The following RGS7 variants were observed in gnomAD, a reference collection of about 807,000 sequenced individuals.
The protein encoded by RGS7 is regulator of G-protein signaling 7.
In RGS7, 27 loss-of-function variants were observed where a neutral mutation model predicts 81.1. The observed-to-expected ratio is 0.33, with a 90% CI of 0.25 to 0.46. RGS7 has a LOEUF of 0.46. Among genes scored for constraint, RGS7 ranks in the 20% least tolerant of loss-of-function variants. RGS7 has a pLI of 1.00. For synonymous variants in RGS7, 208 were observed against 207.7 expected, an observed-to-expected ratio of 1.00 and a Z score of -0.01; for missense variants, 396 against 607.4, an observed-to-expected ratio of 0.65 and a Z score of 3.66.
At chr1:241,189,969 G>A (rs111402101) in intron 2 of RGS7, among the ~76,000 whole-genome samples, 16 of 152,150 alleles carry the variant, frequency 1.1e-4, no homozygotes, top group African/African-American at 2.2e-4. Context: ...CGGGCGCGGT[G>A]GTGGGCACCT....
At chr1:240,858,131 C>A (rs1189175678) in intron 9 of RGS7, among the ~76,000 whole-genome samples, 1 of 152,110 alleles carries the variant, frequency 6.6e-6, no homozygotes, top group African/African-American at 2.4e-5. Flanking sequence ...TATGAATATA[C>A]CATAGTTATT....
intron 2 of RGS7, among the ~76,000 whole-genome samples, chr1:241,141,965 G>A (rs1174978931): frequency 6.6e-6 from 1 of 152,268 alleles, no homozygotes; most frequent in South Asian, 2.1e-4. Flanking sequence ...AGTAAAGACA[G>A]CTGTTCCAAG....
In RGS7 at chr1:241,166,844, A is replaced by C. The variant is rs2070293193; in HGVS notation, c.79-68082T>G. On this transcript the variant is annotated intron_variant, in intron 2 of 18. Coordinates refer to ENST00000440928, the MANE Select transcript of RGS7 (RefSeq NM_001364886.1). ...AAGGGATGAGACAGAGGGCACAAAG[A>C]GAGTGAACAATGGAATTCCTTCCAG... Among the ~76,000 whole-genome samples, 3 of 152,308 alleles carry C rather than the reference A, an allele frequency of 2.0e-5. 1 individual carries two copies. The South Asian group carries it at 6.2e-4, about 32-fold the overall frequency.
intron 4 of RGS7, among the ~76,000 whole-genome samples, chr1:240,958,207 G>T (rs77529099): frequency 0.025 from 3,854 of 152,240 alleles, 101 homozygotes; most frequent in African/African-American, 0.055. Context: ...CTTTGCACAG[G>T]TTTAAGTGGG....
intron 9 of RGS7, among the ~76,000 whole-genome samples, chr1:240,860,169 G>C (rs1661944625): frequency 6.6e-6 from 1 of 152,154 alleles, no homozygotes; most frequent in Non-Finnish European, 1.5e-5. Context: ...CGTGTATTCT[G>C]CTGCTGTTGT....
intron 2 of RGS7, among the ~76,000 whole-genome samples, chr1:241,161,468 CATT>C (rs902841015): frequency 6.7e-5 from 10 of 148,252 alleles, no homozygotes; most frequent in African/African-American, 1.5e-4. Context: ...GTCCATGACA[CATT>C]AATAATAACT....
intron 2 of RGS7, among the ~76,000 whole-genome samples, chr1:241,241,988 G>C (rs555757320): frequency 5.0e-4 from 75 of 151,456 alleles, no homozygotes; most frequent in African/African-American, 1.8e-3. Flanking sequence ...TGGGAAACAG[G>C]TGGTATTTGG....
intron 2 of RGS7, among the ~76,000 whole-genome samples, chr1:241,209,509 T>C (rs2074121185): frequency 1.3e-5 from 2 of 152,130 alleles, no homozygotes; most frequent in Admixed American, 1.3e-4. Flanking sequence ...CAAGAGTTTA[T>C]CATGTACCAA....
chr1:240,999,632 A>G (rs1247470622), intron 3 of RGS7, among the ~76,000 whole-genome samples: 1 of 151,994 alleles, frequency 6.6e-6, no homozygotes, highest in Non-Finnish European at 1.5e-5. Flanking sequence ...ACAGCGTCTC[A>G]CTCTGTCACC....
chr1:240,943,893 CAGCA>C (rs765689426), intron 4 of RGS7, among the ~76,000 whole-genome samples: 6 of 151,936 alleles, frequency 3.9e-5, no homozygotes, highest in Non-Finnish European at 7.4e-5. Flanking sequence ...AGCACGGGGA[CAGCA>C]ATCAGAATGG....
At chr1:241,162,508 A>C (rs2103206852) in intron 2 of RGS7, among the ~76,000 whole-genome samples, 1 of 152,314 alleles carries the variant, frequency 6.6e-6, no homozygotes, top group African/African-American at 2.4e-5. Context: ...ACCCCAGTCA[A>C]GGACCGGATG....
At chr1:241,067,499 A>T (rs1400945471) in intron 3 of RGS7, among the ~76,000 whole-genome samples, 5 of 149,166 alleles carry the variant, frequency 3.4e-5, no homozygotes, top group African/African-American at 1.2e-4. Context: ...TTCAAGTAAA[A>T]TACAGAAACC....
At position 241,073,095 on chromosome 1, in the gene RGS7, C is replaced by A. The variant is rs1048642314; in HGVS notation, c.175+25571G>T. The stretch of plus-strand genomic sequence containing the variant: ...CTGGTTCATTAATCACAGGTATCTC[C>A]ATGTTGAGAGCTGGGTTGTAGCTCT... On this transcript the variant is annotated intron_variant, in intron 3 of 18. Transcript: ENST00000440928. 3.3e-5 allele frequency among the ~76,000 whole-genome samples: 5 copies of A among 152,234 alleles called. No homozygotes were observed. The East Asian group carries it at 7.7e-4, about 24-fold the overall frequency.
chr1:240,930,826 C>T, intron 5 of RGS7, 58 bp from the exon 6 acceptor site: 1 of 1,497,328 alleles, frequency 6.7e-7, no homozygotes, highest in Non-Finnish European at 9.3e-7. Context: ...AGTGGAGTTT[C>T]TGGCCAGTGA....
At chr1:241,085,639 G>A (rs1431569036) in intron 3 of RGS7, among the ~76,000 whole-genome samples, 4 of 151,996 alleles carry the variant, frequency 2.6e-5, no homozygotes, top group African/African-American at 9.7e-5. Flanking sequence ...ATGTTGGCCA[G>A]GCTAGGCTGG....
At chr1:241,079,160 T>C (rs1878729) in intron 3 of RGS7, among the ~76,000 whole-genome samples, 80,334 of 151,986 alleles carry the variant, frequency 0.53, 24,092 homozygotes, top group African/African-American at 0.83. Flanking sequence ...ATAAAAGCGA[T>C]GTGCAGCACC....
intron 6 of RGS7, among the ~76,000 whole-genome samples, chr1:240,881,188 T>C (rs574541091): frequency 1.3e-5 from 2 of 152,198 alleles, no homozygotes; most frequent in Admixed American, 6.5e-5. Flanking sequence ...GATGAGTTCA[T>C]GTCCTTTGTA....
At chr1:241,232,674 GA>G (rs74259978) in intron 2 of RGS7, among the ~76,000 whole-genome samples, 381 of 135,416 alleles carry the variant, frequency 2.8e-3, no homozygotes, top group East Asian at 5.3e-3. Flanking sequence ...TCAATTTCTG[GA>G]AAAAAAAAAA....
intron 2 of RGS7, among the ~76,000 whole-genome samples, chr1:241,234,470 T>C (rs1248435217): frequency 6.6e-6 from 1 of 151,236 alleles, no homozygotes; most frequent in East Asian, 1.9e-4. Context: ...ATCTTGTTTT[T>C]CTTTTTCTTT....
Sources: gnomAD v4.1 joint callset for allele counts (sites outside exome capture counted in the v4.1 genomes callset) on GRCh38, gnomAD v4.1.1 for gene constraint, MANE v1.5 for transcripts, NCBI Gene and HGNC (gene_info 2026-07-23, HGNC 2026-07-21) for gene names.